FAM228B: variants seen among roughly 807,000 people sequenced by gnomAD.
FAM228B encodes family with sequence similarity 228 member B, also known as protein FAM228B.
In FAM228B, 38 loss-of-function variants were observed where a neutral mutation model predicts 42.6. The ratio of observed to expected loss-of-function variants is 0.89; its 90% CI spans 0.69 to 1.17. The LOEUF (loss-of-function observed/expected upper bound fraction) is 1.17. FAM228B is among the 50% of genes most tolerant of loss of function. The pLI, the probability that FAM228B is intolerant of heterozygous loss-of-function variation, is 0.00. For missense variants in FAM228B, 344 were observed against 367.3 expected, an observed-to-expected ratio of 0.94 and a Z score of 0.52; for synonymous variants, 109 against 122.3, an observed-to-expected ratio of 0.89 and a Z score of 0.72.
intron 3 of FAM228B, among the ~76,000 whole-genome samples, chr2:24,103,084 A>C (rs1355401276): frequency 6.6e-6 from 1 of 152,142 alleles, no homozygotes; most frequent in Non-Finnish European, 1.5e-5. Context: ...ACTCTCCTTC[A>C]CATATGATGC....
intron 2 of FAM228B, among the ~76,000 whole-genome samples, chr2:24,093,907 G>A (rs13408226): frequency 0.12 from 18,097 of 151,778 alleles, 1,260 homozygotes; most frequent in South Asian, 0.18. Flanking sequence ...ATGAGCCACC[G>A]CTCCTGGCTG....
rs1479210115 is a variant in FAM228B at position 24,084,682 on chromosome 2, G to C, written c.-210+3727G>C. On this transcript the variant is annotated intron_variant, in intron 2 of 10. Coordinates refer to the FAM228B transcript ENST00000613899. This position sits in a 1 kb window ranked among gnomAD's most constrained non-coding sequence, Gnocchi z 8.4. ...GGCAAATCACACTCCCTCTGAGTTG[G>C]AAGCCCCCAGCCCGACCCGGGTCCC... is the stretch of plus-strand genomic sequence containing the variant. The C allele has an allele frequency of 5.0e-6, 1 of 199,110 alleles. No individual in the cohort carries two copies. The highest frequency in any genetic ancestry group is 1.0e-5 in the Non-Finnish European group (1 of 99,256). The allele number at this position is 199,110 out of a possible 1,614,324, so 12.3% of individuals were successfully genotyped here.
At chr2:24,162,627 T>A (rs1667311354) in intron 8 of FAM228B, among the ~76,000 whole-genome samples, 1 of 152,214 alleles carries the variant, frequency 6.6e-6, no homozygotes, top group African/African-American at 2.4e-5. Flanking sequence ...ATATGGATGT[T>A]CATAGCAGCA....
At chr2:24,141,296 T>A (rs1044143451) in intron 5 of FAM228B, among the ~76,000 whole-genome samples, 3 of 152,100 alleles carry the variant, frequency 2.0e-5, no homozygotes, top group Non-Finnish European at 4.4e-5. Context: ...CAGGTTGGAG[T>A]GCAGTGGCGT....
chr2:24,149,837 T>G lies in FAM228B; in HGVS notation c.686+2751T>G, dbSNP rs148333748. Among the ~76,000 whole-genome samples, 34 of 152,350 alleles carry G rather than the reference T, an allele frequency of 2.2e-4. No individual in the cohort carries two copies. In the South Asian group the frequency reaches 3.9e-3, roughly 18 times the overall value. On this transcript the variant is annotated intron_variant, in intron 7 of 10. Coordinates refer to ENST00000615575, the MANE Select transcript of FAM228B (RefSeq NM_001145710.2). ...GTGAGCCACTGCACCTGGCCTGCTTTCTTTCTTTTTATTTTTTGTAAATCT... is the reference window on the plus strand; with the variant it reads ...GTGAGCCACTGCACCTGGCCTGCTTGCTTTCTTTTTATTTTTTGTAAATCT...
chr2:24,119,490 G>T, upstream of FAM228B: 1 of 918,116 alleles, frequency 1.1e-6, no homozygotes, highest in Non-Finnish European at 1.7e-6. Flanking sequence ...TTCTGCCCTA[G>T]CTGGTTTGAG....
In FAM228B at chr2:24,164,535, TCA is replaced by T. The variant is rs1558396598; in HGVS notation, c.932+204_932+205del. Among the ~76,000 whole-genome samples the T allele has an allele frequency of 1.2e-3, 167 of 145,056 alleles. 1 individual carries two copies. Among genetic ancestry groups the T allele is most frequent in the African/African-American group, 4.1e-3 (159 of 39,108 alleles). On this transcript the variant is annotated intron_variant, in intron 9 of 10. Coordinates refer to ENST00000615575, the MANE Select transcript of FAM228B (RefSeq NM_001145710.2). Reference sequence around the variant, plus strand: ...GGGCTGCCCTGGCCCCCTGGTGGAGTCACACGATGAGGGTGCCCCCTGGTGGA... The same window carrying T: ...GGGCTGCCCTGGCCCCCTGGTGGAGTCACGATGAGGGTGCCCCCTGGTGGA...
chr2:24,153,961 T>C (rs1667075497), intron 7 of FAM228B, among the ~76,000 whole-genome samples: 1 of 152,198 alleles, frequency 6.6e-6, no homozygotes, highest in South Asian at 2.1e-4. Flanking sequence ...CCAGCATGGC[T>C]TTATTCTCTG....
chr2:24,083,807 C>T (rs1357551582), intron 2 of FAM228B, among the ~76,000 whole-genome samples: 1 of 152,138 alleles, frequency 6.6e-6, no homozygotes, highest in Non-Finnish European at 1.5e-5. Context: ...AATCCCAGCT[C>T]TTCTGATTGC....
chr2:24,121,472 T>C (rs568335063), upstream of FAM228B, among the ~76,000 whole-genome samples: 1 of 152,368 alleles, frequency 6.6e-6, no homozygotes, highest in East Asian at 1.9e-4. Context: ...TTACAAATTA[T>C]ATGAAATTCA....
At chr2:24,086,108 G>C (rs1665238397) in intron 2 of FAM228B, among the ~76,000 whole-genome samples, 2 of 151,842 alleles carry the variant, frequency 1.3e-5, no homozygotes, top group Non-Finnish European at 2.9e-5. Context: ...GGTGGCGGGC[G>C]CCTGTAGTCC....
At chr2:24,088,193 C>A (rs532699490) in intron 2 of FAM228B, among the ~76,000 whole-genome samples, 74 of 151,854 alleles carry the variant, frequency 4.9e-4, no homozygotes, top group African/African-American at 1.6e-3. Context: ...AACTCTTGAA[C>A]AAAGAAATGT....
intron 7 of FAM228B, among the ~76,000 whole-genome samples, chr2:24,153,367 T>C (rs773588778): frequency 8.5e-5 from 13 of 152,180 alleles, no homozygotes; most frequent in African/African-American, 1.7e-4. Context: ...GTATCGCTGC[T>C]GCTGGTTTTC....
At chr2:24,118,289 A>T (rs947256297) in intron 3 of FAM228B, among the ~76,000 whole-genome samples, 7 of 152,210 alleles carry the variant, frequency 4.6e-5, no homozygotes, top group Non-Finnish European at 8.8e-5. Flanking sequence ...ACATCTGTTC[A>T]GGAAGGGTCC....
At chr2:24,111,968 C>T (rs889829181) in intron 3 of FAM228B, among the ~76,000 whole-genome samples, 3 of 152,074 alleles carry the variant, frequency 2.0e-5, no homozygotes, top group African/African-American at 7.2e-5. Context: ...AAATTCTGAC[C>T]CTGAAATTCC....
intron 3 of FAM228B, among the ~76,000 whole-genome samples, chr2:24,111,566 G>A (rs1057354127): frequency 1.3e-5 from 2 of 152,164 alleles, no homozygotes; most frequent in East Asian, 1.9e-4. Context: ...TCCTCTTTTG[G>A]AGTTGTGGCT....
chr2:24,156,779 C>T lies in FAM228B; in HGVS notation c.687-4727C>T, dbSNP rs968908966. Reference sequence around the variant, plus strand: ...ACTGTTATACATTTCTTTCCGCCCCCCCCCCCCCAGCTTTTTGTTTCATTT... The same window carrying T: ...ACTGTTATACATTTCTTTCCGCCCCTCCCCCCCCAGCTTTTTGTTTCATTT... On this transcript the variant is annotated intron_variant, in intron 7 of 10. Coordinates refer to ENST00000615575, the MANE Select transcript of FAM228B (RefSeq NM_001145710.2). Among the ~76,000 whole-genome samples, 1,055 of 137,484 alleles carry T rather than the reference C, an allele frequency of 7.7e-3. 40 individuals are homozygous for T. Among genetic ancestry groups the T allele is most frequent in the African/African-American group, 0.027 (1,017 of 37,312 alleles). The allele number at this position is 137,484 out of a possible 152,430, so 90.2% of individuals were successfully genotyped here. A position where few individuals can be genotyped will look rare whatever the true frequency, so the allele number is the denominator to read the frequency against.
At chr2:24,116,798 C>T (rs946823796) in intron 3 of FAM228B, among the ~76,000 whole-genome samples, 2 of 151,494 alleles carry the variant, frequency 1.3e-5, no homozygotes, top group African/African-American at 4.8e-5. Context: ...AATCTTGAAT[C>T]TCTTGAACCT....
intron 2 of FAM228B, chr2:24,081,113 G>A: frequency 1.6e-6 from 2 of 1,264,632 alleles, no homozygotes. Flanking sequence ...AAGATCACCT[G>A]GCCGTTGCAC....
Sources: allele counts gnomAD v4.1 joint callset (sites outside exome capture counted in the v4.1 genomes callset), GRCh38; gene constraint gnomAD v4.1.1; non-coding constraint Gnocchi (gnomAD v3.1); transcripts MANE v1.5; gene names NCBI Gene and HGNC (gene_info 2026-07-23, HGNC 2026-07-21).